JAZF1: variants seen among roughly 807,000 people sequenced by gnomAD.
JAZF1 encodes JAZF zinc finger 1, also known as juxtaposed with another zinc finger protein 1.
In JAZF1, 8 loss-of-function variants were observed where a neutral mutation model predicts 26.4. The observed-to-expected ratio is 0.30, with a 90% CI of 0.18 to 0.55. The LOEUF is 0.55. Among genes scored for constraint, JAZF1 ranks in the 20% least tolerant of loss-of-function variants. JAZF1 has a pLI of 0.94. For synonymous variants in JAZF1, 126 were observed against 122.3 expected (o/e 1.03, Z -0.20); for missense variants, 199 against 322.0 (o/e 0.62, Z 2.92).
At chr7:28,025,305 G>A (rs1406115315) in intron 1 of JAZF1, among the ~76,000 whole-genome samples, 1 of 152,220 alleles carries the variant, frequency 6.6e-6, no homozygotes, top group African/African-American at 2.4e-5. Context: ...TCAAAGCTAT[G>A]AGTAAGAAAG....
At chr7:27,899,893 T>C (rs1039329477) in intron 2 of JAZF1, among the ~76,000 whole-genome samples, 1 of 152,154 alleles carries the variant, frequency 6.6e-6, no homozygotes, top group Non-Finnish European at 1.5e-5. Context: ...GATGCTGTCA[T>C]GGTTTTCACA....
At chr7:27,856,141 G>A (rs919421755) in intron 3 of JAZF1, among the ~76,000 whole-genome samples, 2 of 152,176 alleles carry the variant, frequency 1.3e-5, no homozygotes, top group African/African-American at 4.8e-5. Flanking sequence ...AACGTGGTGT[G>A]TCCGGAGTTT....
intron 3 of JAZF1, among the ~76,000 whole-genome samples, chr7:27,884,482 A>G (rs1386283759): frequency 6.6e-6 from 1 of 152,228 alleles, no homozygotes; most frequent in African/African-American, 2.4e-5. Context: ...CAACATCCCA[A>G]TCAAGACACA....
At chr7:27,977,695 T>A (rs979737840) in intron 2 of JAZF1, among the ~76,000 whole-genome samples, 5 of 152,162 alleles carry the variant, frequency 3.3e-5, no homozygotes, top group African/African-American at 1.2e-4. Context: ...AGATCCCTCA[T>A]CTTCACTTGC....
chr7:27,886,915 C>T (rs371678146), intron 3 of JAZF1, among the ~76,000 whole-genome samples: 5 of 152,268 alleles, frequency 3.3e-5, no homozygotes, highest in Admixed American at 2.0e-4. Context: ...GCATACTATG[C>T]AGCCATAAAA....
chr7:27,896,104 A>G lies in JAZF1; in HGVS notation c.189-688T>C, dbSNP rs77122554. ...AGAAGGGAAGAGAGCAGCACAAGGA[A>G]GGAGGTCACCACTGATGATTTGTTT... On this transcript the variant is annotated intron_variant, in intron 2 of 4. Coordinates refer to ENST00000283928, the MANE Select transcript of JAZF1 (RefSeq NM_175061.4). 9.2e-3 allele frequency among the ~76,000 whole-genome samples: 1,395 copies of G among 152,310 alleles called. 18 individuals carry two copies. The highest frequency in any genetic ancestry group is 0.033 in the African/African-American group (1,351 of 41,560).
intron 2 of JAZF1, among the ~76,000 whole-genome samples, chr7:27,901,265 T>C (rs1784156777): frequency 6.6e-6 from 1 of 152,258 alleles, no homozygotes; most frequent in Admixed American, 6.5e-5. Flanking sequence ...TGTAGCAATA[T>C]TTGTTATTGC....
chr7:28,090,202 T>C (rs1398238766), intron 1 of JAZF1, among the ~76,000 whole-genome samples: 1 of 152,234 alleles, frequency 6.6e-6, no homozygotes. Context: ...CGGACTATAG[T>C]GAAGATTGGA....
At chr7:28,096,219 A>G (rs1412054134) in intron 1 of JAZF1, among the ~76,000 whole-genome samples, 2 of 152,248 alleles carry the variant, frequency 1.3e-5, no homozygotes, top group East Asian at 3.9e-4. Context: ...GAAAACAAGA[A>G]TGAAGGGAAC....
chr7:28,088,956 C>A (rs891683811), intron 1 of JAZF1, among the ~76,000 whole-genome samples: 8 of 152,162 alleles, frequency 5.3e-5, no homozygotes, highest in Admixed American at 1.3e-4. Flanking sequence ...CTGGACAAAT[C>A]ATCAGCACTG....
chr7:28,057,922 T>C (rs1783738208), intron 1 of JAZF1, among the ~76,000 whole-genome samples: 2 of 152,230 alleles, frequency 1.3e-5, no homozygotes, highest in South Asian at 4.1e-4. Flanking sequence ...TCCTGTCTAA[T>C]GTAAAAAAGT....
chr7:27,898,286 C>CGT (rs1554274075), intron 2 of JAZF1, among the ~76,000 whole-genome samples: 1 of 99,616 alleles, frequency 1.0e-5, no homozygotes, highest in African/African-American at 4.0e-5. Flanking sequence ...ACGTCTAACT[C>CGT]ATATATATAT....
At chr7:27,882,183 A>G (rs1770409720) in intron 3 of JAZF1, among the ~76,000 whole-genome samples, 1 of 152,160 alleles carries the variant, frequency 6.6e-6, no homozygotes, top group Admixed American at 6.5e-5. Context: ...ACTGAGATAG[A>G]AAACACAGTA....
At chr7:28,105,979 T>C (rs1321854365) in intron 1 of JAZF1, among the ~76,000 whole-genome samples, 1 of 152,166 alleles carries the variant, frequency 6.6e-6, no homozygotes, top group Non-Finnish European at 1.5e-5. Flanking sequence ...TGAGGTAGCA[T>C]GGGAAACTGT....
intron 2 of JAZF1, among the ~76,000 whole-genome samples, chr7:27,920,694 AG>A (rs1241602683): frequency 6.6e-6 from 1 of 152,226 alleles, no homozygotes; most frequent in African/African-American, 2.4e-5. Context: ...TCAGTAGCCC[AG>A]CACAAATTTT....
chr7:28,140,665 T>C (rs76520499), intron 1 of JAZF1, among the ~76,000 whole-genome samples: 2,889 of 152,282 alleles, frequency 0.019, 82 homozygotes, highest in African/African-American at 0.065. Context: ...TTTCACATCA[T>C]AGCACATAGA....
At chr7:27,870,342 T>C (rs1175378693) in intron 3 of JAZF1, among the ~76,000 whole-genome samples, 1 of 152,108 alleles carries the variant, frequency 6.6e-6, no homozygotes, top group Admixed American at 6.6e-5. Context: ...GCTCCGGCTC[T>C]GCTACCTGTG....
chr7:27,979,119 C>T (rs201726461), intron 2 of JAZF1, among the ~76,000 whole-genome samples: 2 of 151,960 alleles, frequency 1.3e-5, no homozygotes, highest in East Asian at 3.9e-4. Flanking sequence ...ACAAAGAGAA[C>T]GAGAGTAGAT....
At chr7:28,021,105 C>A (rs1374900820) in intron 1 of JAZF1, among the ~76,000 whole-genome samples, 2 of 152,092 alleles carry the variant, frequency 1.3e-5, no homozygotes, top group East Asian at 3.9e-4. Flanking sequence ...GCCCACGGTC[C>A]AACAAGGGAT....
Sources: allele counts gnomAD v4.1 joint callset (sites outside exome capture counted in the v4.1 genomes callset), GRCh38; gene constraint gnomAD v4.1.1; transcripts MANE v1.5; gene names NCBI Gene and HGNC (gene_info 2026-07-23, HGNC 2026-07-21).